CATSPERG: variants seen among roughly 807,000 people sequenced by gnomAD.
The protein encoded by CATSPERG is catsper channel auxiliary subunit gamma, also known as cation channel sperm-associated auxiliary subunit gamma.
Under a neutral mutation model 145.0 loss-of-function variants are expected in CATSPERG, and 115 were observed. That is an observed-to-expected ratio of 0.79 (90% CI 0.68 to 0.93). The LOEUF is 0.93. Ranked by LOEUF, CATSPERG falls within the 40% of genes least tolerant of loss-of-function variation. The probability of loss-of-function intolerance (pLI) is 0.00; values close to 1 mark genes in which losing one functional copy is unlikely to be tolerated. For missense variants in CATSPERG, 1,296 were observed against 1,490.1 expected (o/e 0.87, Z 2.14); for synonymous variants, 588 against 589.0 (o/e 1.00, Z 0.02).
chr19:38,340,793 T>C (rs1487715709), intron 3 of CATSPERG, among the ~76,000 whole-genome samples: 3 of 151,952 alleles, frequency 2.0e-5, no homozygotes, highest in African/African-American at 7.3e-5. Flanking sequence ...GTACTTTCAA[T>C]TAGACAGGGT....
chr19:38,335,904 C>G (rs2145052895), intron 1 of CATSPERG, 29 bp downstream of exon 1: 1 of 254,444 alleles, frequency 3.9e-6, no homozygotes, highest in Admixed American at 5.3e-5. Flanking sequence ...AAAAGCTGTG[C>G]CATCCAGGGG....
At chr19:38,357,425 G>T (rs1261165973) in intron 11 of CATSPERG, among the ~76,000 whole-genome samples, 1 of 150,138 alleles carries the variant, frequency 6.7e-6, no homozygotes, top group Non-Finnish European at 1.5e-5. Context: ...GAATATACCT[G>T]AGGTGGGAGG....
chr19:38,343,817 T>G, intron 4 of CATSPERG, 93 bp downstream of exon 4: 2 of 1,440,244 alleles, frequency 1.4e-6, no homozygotes, highest in Non-Finnish European at 1.9e-6. Context: ...GGAGGGTATG[T>G]GGGGGGCGGG....
intron 11 of CATSPERG, among the ~76,000 whole-genome samples, chr19:38,357,213 TGAA>T (rs1970259257): frequency 6.6e-6 from 1 of 151,956 alleles, no homozygotes; most frequent in Admixed American, 6.6e-5. Context: ...ATAATTCACA[TGAA>T]GAAATTCTAA....
chr19:38,342,370 C>A (rs58496534), intron 3 of CATSPERG, among the ~76,000 whole-genome samples: 5,436 of 151,882 alleles, frequency 0.036, 309 homozygotes, highest in African/African-American at 0.12. Context: ...GAGGCCGAAG[C>A]GCGCAGATCA....
At chr19:38,341,817 G>A (rs1410164058) in intron 3 of CATSPERG, among the ~76,000 whole-genome samples, 5 of 152,070 alleles carry the variant, frequency 3.3e-5, no homozygotes, top group South Asian at 2.1e-4. Flanking sequence ...CAGGACGATC[G>A]CCTGAACCTA....
rs1287078479 is a variant in CATSPERG at position 38,362,579 on chromosome 19, G to T, written c.2356+5G>T. The T allele has an allele frequency of 6.2e-7, 1 of 1,613,810 alleles. No individual in the cohort carries two copies. Among genetic ancestry groups the T allele is most frequent in the Admixed American group, 1.7e-5 (1 of 60,030 alleles). Reference sequence around the variant, plus strand: ...TCCGGACGCAGTCAGAACTCGGTCTGCGCGGGACCAGAGTGGAGCCCGAAG... The same window carrying T: ...TCCGGACGCAGTCAGAACTCGGTCTTCGCGGGACCAGAGTGGAGCCCGAAG... On this transcript the variant is annotated splice_donor_5th_base_variant and intron_variant, in intron 19 of 28. Transcript: ENST00000409235.
chr19:38,361,992 G>GGGGC, intron 17 of CATSPERG, 131 bp downstream of exon 17: 3 of 347,390 alleles, frequency 8.6e-6, no homozygotes, highest in Non-Finnish European at 1.1e-5. Context: ...GTGGGCGGGG[G>GGGGC]ACCTGGGGGC....
chr19:38,359,643 T>G (rs1368816692), intron 14 of CATSPERG, 62 bp downstream of exon 14: 1 of 1,481,360 alleles, frequency 6.8e-7, no homozygotes, highest in East Asian at 2.6e-5. Flanking sequence ...CAGGGGCCCC[T>G]CTTTCCCCCG....
chr19:38,367,611 G>A (rs1970475627), intron 24 of CATSPERG, 39 bp downstream of exon 24: 2 of 1,612,212 alleles, frequency 1.2e-6, no homozygotes. Flanking sequence ...GCAGGTGGAG[G>A]GAGTGGAAGG....
At position 38,354,821 on chromosome 19, in the gene CATSPERG, G is replaced by T; in HGVS notation, c.1109G>T (p.Gly370Val). ...GCCCTCACCACGGGCAAGCATGAGG[G>T]TTATGTACACTTCGGGACCATCAGA... ...IMALTTGKHE[G>V]YVHFGTIRDG... Residue 370 changes from glycine (G) to valine (V), a missense_variant, in exon 9 of 29, where the codon GGT (glycine) becomes GTT (valine). Coordinates refer to ENST00000409235, the MANE Select transcript of CATSPERG (RefSeq NM_021185.5). 1 of 1,614,170 alleles carries T rather than the reference G, an allele frequency of 6.2e-7. No homozygotes were observed. The highest frequency in any genetic ancestry group is 1.1e-5 in the South Asian group (1 of 91,080).
Position 38,356,804 on chromosome 19 carries a change from G to C in CATSPERG, c.1258G>C (p.Val420Leu). 1.9e-6 allele frequency: 3 copies of C among 1,614,094 alleles called. No homozygotes were observed. The highest frequency in any genetic ancestry group is 2.5e-6 in the Non-Finnish European group (3 of 1,179,972). ...IAGEYTLLLLVESGYGNASKR... is the reference protein window; with the variant it reads ...IAGEYTLLLLLESGYGNASKR... ...GGGTGAGTATACTCTACTGCTGCTG[G>C]TGGAGAGTGGATATGGTAATGCAAG... Residue 420 changes from valine (V) to leucine (L), a missense_variant, in exon 11 of 29, where the codon GTG becomes CTG. Val to Leu is a conservative substitution (Grantham distance 32). Transcript: ENST00000409235.
At position 38,359,507 on chromosome 19, in the gene CATSPERG, C is replaced by G; in HGVS notation, c.1534C>G (p.Pro512Ala). The change falls in exon 14 of 29, where the codon CCC becomes GCC. Residue 512 changes from proline to alanine, a missense_variant. Coordinates refer to ENST00000409235, the MANE Select transcript of CATSPERG (RefSeq NM_021185.5). ...AAACTTCATCTACCTGGCAGACTTC[C>G]CCAAGGAACTGTCCATCAAATACAT... ...KENFIYLADFPKELSIKYMAR... is the reference protein window; with the variant it reads ...KENFIYLADFAKELSIKYMAR... The G allele has an allele frequency of 6.2e-7, 1 of 1,613,836 alleles. No homozygotes were observed.
At chr19:38,351,479 G>A (rs1207615002) in intron 7 of CATSPERG, among the ~76,000 whole-genome samples, 1 of 150,714 alleles carries the variant, frequency 6.6e-6, no homozygotes, top group Non-Finnish European at 1.5e-5. Flanking sequence ...TTGGTGGTAG[G>A]TGCCTGTAGT....
chr19:38,339,913 G>C (rs1340123329), intron 3 of CATSPERG, among the ~76,000 whole-genome samples: 1 of 151,346 alleles, frequency 6.6e-6, no homozygotes, highest in African/African-American at 2.4e-5. Context: ...GGAGTGCAGT[G>C]GCGTGATCTT....
chr19:38,364,331 G>A (rs960162077), intron 20 of CATSPERG, among the ~76,000 whole-genome samples: 4 of 151,638 alleles, frequency 2.6e-5, no homozygotes, highest in Non-Finnish European at 5.9e-5. Flanking sequence ...ATGGGGTCGC[G>A]ACCGGACAGA....
chr19:38,349,790 G>A (rs905855516), intron 7 of CATSPERG, among the ~76,000 whole-genome samples: 5 of 151,810 alleles, frequency 3.3e-5, no homozygotes, highest in Non-Finnish European at 5.9e-5. Context: ...TCAGCCTCCC[G>A]AGGAGCTGGG....
intron 6 of CATSPERG, among the ~76,000 whole-genome samples, chr19:38,345,833 C>G (rs1015735556): frequency 2.0e-5 from 3 of 152,152 alleles, no homozygotes; most frequent in African/African-American, 7.2e-5. Flanking sequence ...TTCTTAATCC[C>G]GATGCATTCA....
chr19:38,344,323 G>A lies in CATSPERG; in HGVS notation c.624G>A (p.Leu208=), dbSNP rs1398268679. Residue 208 remains leucine, a synonymous_variant, in exon 6 of 29, where the codon CTG becomes CTA. Coordinates refer to ENST00000409235, the MANE Select transcript of CATSPERG (RefSeq NM_021185.5). ...KRFQMNINGF[L]KRDRDNNIQF... Reference sequence around the variant, plus strand: ...TCCAGATGAATATCAACGGCTTCCTGAAGAGAGACCGGGACAATAACATCC... The same window carrying A: ...TCCAGATGAATATCAACGGCTTCCTAAAGAGAGACCGGGACAATAACATCC... 1 of 1,551,836 alleles carries A rather than the reference G, an allele frequency of 6.4e-7. No homozygotes were observed. Among genetic ancestry groups the A allele is most frequent in the Non-Finnish European group, 8.7e-7 (1 of 1,147,022 alleles).
Sources: allele counts gnomAD v4.1 joint callset (sites outside exome capture counted in the v4.1 genomes callset), GRCh38; gene constraint gnomAD v4.1.1; transcripts MANE v1.5; gene names NCBI Gene and HGNC (gene_info 2026-07-23, HGNC 2026-07-21).